Variants in POLI observed in about 807,000 individuals in gnomAD.
POLI encodes the protein DNA polymerase iota, also known as RAD30 homolog B.
POLI carries 58 observed loss-of-function variants against 51.6 expected under a neutral mutation model. The observed-to-expected ratio is 1.12, with a 90% CI of 0.91 to 1.40. The LOEUF (loss-of-function observed/expected upper bound fraction) is 1.40, where lower values mean the gene tolerates loss of function less well. Ranked by LOEUF, POLI falls within the 40% of genes most tolerant of loss-of-function variation. POLI has a pLI of 0.00. For missense variants in POLI, 921 were observed against 871.3 expected, an observed-to-expected ratio of 1.06 and a Z score of -0.72; for synonymous variants, 322 against 299.7, an observed-to-expected ratio of 1.07 and a Z score of -0.77.
intron 3 of POLI, chr18:54,311,088 G>T (rs1049669869): frequency 2.0e-6 from 2 of 984,130 alleles, no homozygotes; most frequent in African/African-American, 3.5e-5. Context: ...ATCTGTTGTA[G>T]AACTATGAAT....
At position 54,296,824 on chromosome 18, in the gene POLI, TAC is replaced by T. The variant is rs1362489409; in HGVS notation, c.*2359_*2360del. The T allele has an allele frequency of 3.4e-6, 2 of 589,584 alleles. No homozygotes were observed. Among genetic ancestry groups the T allele is most frequent in the African/African-American group, 4.1e-5 (2 of 48,248 alleles). The allele number at this position is 589,584 out of a possible 1,614,324, so 36.5% of individuals were successfully genotyped here. A position where few individuals can be genotyped will look rare whatever the true frequency, so the allele number is the denominator to read the frequency against. ...TCTTTTTAACTTCCCGTTTACTCAT[TAC>T]AGTCCCTTGTAAGTCTGTTTCTAAT... On this transcript the variant is annotated 3_prime_UTR_variant, in exon 10 of 10. Transcript: ENST00000579534.
At chr18:54,311,590 A>G (rs960342515) in intron 3 of POLI, among the ~76,000 whole-genome samples, 1 of 152,186 alleles carries the variant, frequency 6.6e-6, no homozygotes, top group East Asian at 1.9e-4. Flanking sequence ...ACAGAAGAAT[A>G]TTTCATCTAT....
chr18:54,287,498 A>C, intron 8 of POLI, 87 bp downstream of exon 8: 1 of 965,510 alleles, frequency 1.0e-6, no homozygotes, highest in South Asian at 1.5e-5. Context: ...CCAAAAATGG[A>C]GGGTCTTCAC....
At chr18:54,275,838 A>T (rs1419875036) in intron 3 of POLI, among the ~76,000 whole-genome samples, 1 of 152,126 alleles carries the variant, frequency 6.6e-6, no homozygotes, top group Non-Finnish European at 1.5e-5. Flanking sequence ...AAGTTACTTT[A>T]TCAATTTTTC....
chr18:54,316,461 T>C (rs16958057), intron 3 of POLI, among the ~76,000 whole-genome samples: 24 of 152,230 alleles, frequency 1.6e-4, no homozygotes, highest in African/African-American at 5.5e-4. Flanking sequence ...AAAACAATTA[T>C]TAACAGCTTA....
At chr18:54,310,999 C>A in intron 3 of POLI, 1 of 483,698 alleles carries the variant, frequency 2.1e-6, no homozygotes. Context: ...CTCAAGTGAT[C>A]CTCCTGCCTT....
intron 1 of POLI, chr18:54,270,339 G>C (rs1385513174): frequency 1.3e-5 from 2 of 152,316 alleles, no homozygotes; most frequent in Non-Finnish European, 2.9e-5. Context: ...CTGATTTTCA[G>C]ATTTTTTTAG....
At position 54,292,406 on chromosome 18, in the gene POLI, G is replaced by C. The variant is rs1249299356; in HGVS notation, c.1404+368G>C. Among the ~76,000 whole-genome samples, 3 of 152,028 alleles carry C rather than the reference G, an allele frequency of 2.0e-5. No homozygotes were observed. The East Asian group carries it at 5.8e-4, about 29-fold the overall frequency. On this transcript the variant is annotated intron_variant, in intron 9 of 9. Coordinates refer to ENST00000579534, the MANE Select transcript of POLI (RefSeq NM_007195.3). ...CTTTTAGCTGACACATGAGCTACTA[G>C]TACCTTTCCCATGATTCTTTTGTTA...
At chr18:54,274,524 TATTA>T (rs536251224) in intron 3 of POLI, among the ~76,000 whole-genome samples, 43 of 151,988 alleles carry the variant, frequency 2.8e-4, no homozygotes, top group Admixed American at 4.6e-4. Flanking sequence ...TCTTATGAAA[TATTA>T]ATAAAAATAT....
At position 54,291,402 on chromosome 18, in the gene POLI, C is replaced by T. The variant is rs1025484574; in HGVS notation, c.1199-431C>T. 3 of 152,948 alleles carry T rather than the reference C, an allele frequency of 2.0e-5. No homozygotes were observed. The Admixed American group carries it at 2.0e-4, about 10-fold the overall frequency. 9.5% of individuals were successfully genotyped at this position (152,948 alleles called of 1,614,324 possible). A position where few individuals can be genotyped will look rare whatever the true frequency, so the allele number is the denominator to read the frequency against. On this transcript the variant is annotated intron_variant, in intron 8 of 9. Transcript: ENST00000579534. ...AAGTGAAACTGCTGGCTTTTGCAGC[C>T]TTCACCCTGTACCAACTGAGCTATG...
In POLI at chr18:54,294,151, A is replaced by C. The variant is rs776066395; in HGVS notation, c.1907A>C (p.Gln636Pro). ...DNRLKDERISQGPKEPQGFHF... is the reference protein window; with the variant it reads ...DNRLKDERISPGPKEPQGFHF... ...AGATTAAAAGATGAACGAATAAGTC[A>C]AGGACCTAAAGAACCTCAAGGATTC... Residue 636 changes from glutamine to proline, a missense_variant, in exon 10 of 10, where the codon CAA (glutamine) becomes CCA (proline). Transcript: ENST00000579534. 13 of 1,611,494 alleles carry C rather than the reference A, an allele frequency of 8.1e-6. No homozygotes were observed. Among genetic ancestry groups the C allele is most frequent in the Non-Finnish European group, 1.1e-5 (13 of 1,177,968 alleles).
At chr18:54,273,057 G>A (rs1428198193) in intron 2 of POLI, among the ~76,000 whole-genome samples, 2 of 151,836 alleles carry the variant, frequency 1.3e-5, no homozygotes, top group Non-Finnish European at 1.5e-5. Context: ...CATATTTTAG[G>A]TGAACATTAC....
At chr18:54,288,952 T>G (rs915030793) in intron 8 of POLI, among the ~76,000 whole-genome samples, 16 of 152,284 alleles carry the variant, frequency 1.1e-4, no homozygotes, top group African/African-American at 3.4e-4. Context: ...TCAAAGTCAA[T>G]TTATGTTAAC....
rs3730691 is a variant in POLI, at chr18:54,271,879, A to G, written c.241+394A>G. ...CCTCCCCTTTCTGAAATTATCTCTT[A>G]AATTGTGTAACATCTAACTAACTAG... On this transcript the variant is annotated intron_variant, in intron 2 of 9. Transcript: ENST00000579534. 4.3e-3 allele frequency among the ~76,000 whole-genome samples: 659 copies of G among 152,316 alleles called. 10 individuals are homozygous for G. Among genetic ancestry groups the G allele is most frequent in the African/African-American group, 0.015 (644 of 41,578 alleles).
At chr18:54,279,748 T>A (rs942530722) in intron 4 of POLI, among the ~76,000 whole-genome samples, 10 of 152,228 alleles carry the variant, frequency 6.6e-5, no homozygotes, top group African/African-American at 2.4e-4. Flanking sequence ...GTTTTACACC[T>A]AAAGCAAATT....
intron 3 of POLI, among the ~76,000 whole-genome samples, chr18:54,304,770 A>C (rs544196178): frequency 1.3e-5 from 2 of 152,126 alleles, no homozygotes; most frequent in East Asian, 3.9e-4. Flanking sequence ...GTTTAATTAG[A>C]TCCCATTTGT....
Position 54,294,259 on chromosome 18 carries a change from A to G in POLI, c.2015A>G (p.His672Arg), listed in dbSNP as rs1286167962. 4.3e-6 allele frequency: 7 copies of G among 1,613,746 alleles called. No individual in the cohort carries two copies. Among genetic ancestry groups the G allele is most frequent in the Non-Finnish European group, 5.9e-6 (7 of 1,179,732 alleles). The change falls in exon 10 of 10, where the codon CAC becomes CGC. Residue 672 changes from histidine (H) to arginine (R), a missense_variant. Coordinates refer to ENST00000579534, the MANE Select transcript of POLI (RefSeq NM_007195.3). The part of the protein sequence containing the change: ...LQSEQLFSRN[H>R]TTDSHKQTVA... ...AGTGAGCAACTTTTCTCCAGAAACC[A>G]CACTACAGATAGCCATAAGCAAACA...
rs371061336 is a variant in POLI at position 54,293,745 on chromosome 18, G to A, written c.1501G>A (p.Glu501Lys). The part of the protein sequence containing the change: ...SGRIESTRTR[E>K]SPLDTTNFSK... ...AAGAATTGAAAGTACAAGAACTAGG[G>A]AGTCTCCACTAGATACCACAAATTT... Residue 501 changes from glutamate to lysine, a missense_variant, in exon 10 of 10, where the codon GAG (glutamate) becomes AAG (lysine). Coordinates refer to ENST00000579534, the MANE Select transcript of POLI (RefSeq NM_007195.3). The A allele has an allele frequency of 5.6e-6, 9 of 1,606,274 alleles. No homozygotes were observed. The highest frequency in any genetic ancestry group is 7.7e-6 in the Non-Finnish European group (9 of 1,175,426).
At chr18:54,310,760 TAGTC>T (rs754599302) in intron 3 of POLI, among the ~76,000 whole-genome samples, 4 of 152,160 alleles carry the variant, frequency 2.6e-5, no homozygotes, top group African/African-American at 7.2e-5. Flanking sequence ...TCAAATGTAT[TAGTC>T]AGGAAAATGG....
Sources: gnomAD v4.1 joint callset for allele counts (sites outside exome capture counted in the v4.1 genomes callset) on GRCh38, gnomAD v4.1.1 for gene constraint, MANE v1.5 for transcripts, NCBI Gene and HGNC (gene_info 2026-07-23, HGNC 2026-07-21) for gene names.